GLT1D1: variants seen among roughly 807,000 people sequenced by gnomAD.
GLT1D1 encodes the protein glycosyltransferase 1 domain containing 1, also known as glycosyltransferase 1 domain-containing protein 1.
GLT1D1 carries 21 observed loss-of-function variants against 28.7 expected under a neutral mutation model. The ratio of observed to expected loss-of-function variants is 0.73; its 90% CI spans 0.52 to 1.05. GLT1D1 has a LOEUF of 1.05. Ranked by LOEUF, GLT1D1 falls within the 50% of genes least tolerant of loss-of-function variation. GLT1D1 has a pLI of 0.00. For synonymous variants in GLT1D1, 147 were observed against 124.8 expected (o/e 1.18, Z -1.19); for missense variants, 343 against 330.6 (o/e 1.04, Z -0.29).
At chr12:128,857,715 A>G (rs1253098803) in intron 1 of GLT1D1, among the ~76,000 whole-genome samples, 1 of 152,152 alleles carries the variant, frequency 6.6e-6, no homozygotes. Flanking sequence ...TTCCCCAAAT[A>G]CGTAAATCTG....
intron 4 of GLT1D1, among the ~76,000 whole-genome samples, chr12:128,905,877 G>A (rs563049681): frequency 6.6e-6 from 1 of 151,614 alleles, no homozygotes; most frequent in South Asian, 2.1e-4. Context: ...GCCCAGGCTG[G>A]ATGGAGTGCA....
chr12:128,982,150 G>A (rs1434053142), intron 7 of GLT1D1, among the ~76,000 whole-genome samples: 3 of 152,138 alleles, frequency 2.0e-5, no homozygotes, highest in Non-Finnish European at 2.9e-5. Flanking sequence ...AACACAGCCC[G>A]AAGCTGAGCC....
At position 128,945,335 on chromosome 12, in the gene GLT1D1, G is replaced by GCTGACATTTATCTT; in HGVS notation, c.385_386insCTGACATTTATCTT (p.Val129AlafsTer11). The stretch of plus-strand genomic sequence containing the variant: ...CTTTGTCTCTTTTCAGGTCGATCCA[G>GCTGACATTTATCTT]TGTTTACAAGGGAAGTGAAAGCCAA... On this transcript the variant is annotated frameshift_variant, in exon 5 of 8. Transcript: ENST00000281703. LOFTEE classifies it high-confidence loss of function. 1 of 1,614,166 alleles carries GCTGACATTTATCTT rather than the reference G, an allele frequency of 6.2e-7. No individual in the cohort carries two copies. Among genetic ancestry groups the GCTGACATTTATCTT allele is most frequent in the Non-Finnish European group, 8.5e-7 (1 of 1,179,960 alleles).
chr12:128,916,636 G>A (rs564522481), intron 4 of GLT1D1, among the ~76,000 whole-genome samples: 13 of 152,192 alleles, frequency 8.5e-5, no homozygotes, highest in East Asian at 1.9e-4. Flanking sequence ...TTTTATGTGC[G>A]CGTTGGCCAT....
At chr12:128,883,533 T>G (rs1206277584) in intron 2 of GLT1D1, among the ~76,000 whole-genome samples, 1 of 144,058 alleles carries the variant, frequency 6.9e-6, no homozygotes, top group Non-Finnish European at 1.5e-5. Context: ...GAGCTTGCAG[T>G]GAGCTGAGAT....
intron 7 of GLT1D1, among the ~76,000 whole-genome samples, chr12:128,962,930 G>A (rs1344460978): frequency 6.6e-6 from 1 of 152,104 alleles, no homozygotes; most frequent in South Asian, 2.1e-4. Context: ...TGGAACTCCT[G>A]ATCTTGTGAT....
intron 4 of GLT1D1, among the ~76,000 whole-genome samples, chr12:128,936,513 T>G (rs1874580007): frequency 6.6e-6 from 1 of 152,256 alleles, no homozygotes; most frequent in Non-Finnish European, 1.5e-5. Context: ...GATTCTGTTT[T>G]AGCTGCAGGA....
chr12:128,982,004 C>T (rs1285181995), intron 7 of GLT1D1, among the ~76,000 whole-genome samples: 1 of 152,128 alleles, frequency 6.6e-6, no homozygotes, highest in African/African-American at 2.4e-5. Context: ...CCCTGAATAC[C>T]CTTTAACAGT....
At position 128,901,465 on chromosome 12, in the gene GLT1D1, C is replaced by T. The variant is rs367863324; in HGVS notation, c.375+2178C>T. On this transcript the variant is annotated intron_variant, in intron 4 of 7. Coordinates refer to ENST00000281703, the MANE Select transcript of GLT1D1 (RefSeq NM_144669.3). The stretch of plus-strand genomic sequence containing the variant: ...TTTTTTTTTTTTTCTGAGATGGAGT[C>T]TCGCTCTGTCGCCCAGGCTGGAGTG... Among the ~76,000 whole-genome samples, 112 of 143,922 alleles carry T rather than the reference C, an allele frequency of 7.8e-4. 1 individual carries two copies. Among genetic ancestry groups the T allele is most frequent in the South Asian group, 5.3e-3 (24 of 4,556 alleles). 94.4% of individuals were successfully genotyped at this position (143,922 alleles called of 152,430 possible). A position where few individuals can be genotyped will look rare whatever the true frequency, so the allele number is the denominator to read the frequency against.
rs140760438 is a variant in GLT1D1, at chr12:128,912,435, G to A, written c.375+13148G>A. ...CCTCCTTTCAAAAGCCGCATGCTAA[G>A]GGTAAGGTCTATGTCCAGAGTCAAG... is the stretch of plus-strand genomic sequence containing the variant. On this transcript the variant is annotated intron_variant, in intron 4 of 7. Coordinates refer to ENST00000281703, the MANE Select transcript of GLT1D1 (RefSeq NM_144669.3). 8 of 1,526,918 alleles carry A rather than the reference G, an allele frequency of 5.2e-6. No individual in the cohort carries two copies. The African/African-American group carries it at 1.1e-4, about 21-fold the overall frequency. The allele number at this position is 1,526,918 out of a possible 1,614,324, so 94.6% of individuals were successfully genotyped here.
Position 128,872,054 on chromosome 12 carries a change from C to A in GLT1D1, c.69-3860C>A, listed in dbSNP as rs188966333. ...GCAGTCTCCGCCTCCCGGGTTCAAG[C>A]GATTCTCCTGCCTCAGCCTCCCAAG... On this transcript the variant is annotated intron_variant, in intron 1 of 7. Coordinates refer to ENST00000281703, the MANE Select transcript of GLT1D1 (RefSeq NM_144669.3). 7.2e-3 allele frequency among the ~76,000 whole-genome samples: 1,081 copies of A among 151,028 alleles called. 19 individuals are homozygous for A. The highest frequency in any genetic ancestry group is 0.024 in the African/African-American group (1,005 of 41,200).
chr12:128,895,815 A>C (rs1232441905), intron 3 of GLT1D1, among the ~76,000 whole-genome samples: 2 of 152,188 alleles, frequency 1.3e-5, no homozygotes, highest in African/African-American at 4.8e-5. Context: ...GTAAGTGCAG[A>C]TAGAGAAGAG....
At chr12:128,973,194 T>G (rs908877419) in intron 7 of GLT1D1, among the ~76,000 whole-genome samples, 34 of 130,110 alleles carry the variant, frequency 2.6e-4, no homozygotes, top group African/African-American at 9.4e-4. Flanking sequence ...TTTTTTTTTT[T>G]TTTTTTTTTT....
chr12:128,928,814 G>T (rs538335222), intron 4 of GLT1D1, among the ~76,000 whole-genome samples: 1 of 152,040 alleles, frequency 6.6e-6, no homozygotes, highest in Admixed American at 6.6e-5. Flanking sequence ...AGGGACGGGG[G>T]TTTTACCACG....
chr12:128,869,189 C>T (rs1413803673), intron 1 of GLT1D1, among the ~76,000 whole-genome samples: 2 of 151,844 alleles, frequency 1.3e-5, no homozygotes, highest in African/African-American at 4.8e-5. Context: ...TTTTCTTTGA[C>T]AGGGTCTCAC....
intron 4 of GLT1D1, among the ~76,000 whole-genome samples, chr12:128,910,577 C>T (rs1038652644): frequency 6.6e-6 from 1 of 152,068 alleles, no homozygotes; most frequent in Non-Finnish European, 1.5e-5. Context: ...GCCTCCACTA[C>T]ACTCCAGTAA....
chr12:128,966,133 A>C (rs1878433718), intron 7 of GLT1D1, among the ~76,000 whole-genome samples: 1 of 152,214 alleles, frequency 6.6e-6, no homozygotes, highest in South Asian at 2.1e-4. Context: ...CCCTGCAACC[A>C]CTGCATCTTT....
chr12:128,900,085 A>G (rs531983788), intron 4 of GLT1D1, among the ~76,000 whole-genome samples: 72 of 152,288 alleles, frequency 4.7e-4, no homozygotes, highest in Admixed American at 7.8e-4. Flanking sequence ...GCTGGTGGGA[A>G]CTTAACTGAA....
At chr12:128,869,058 G>A (rs905033542) in intron 1 of GLT1D1, among the ~76,000 whole-genome samples, 1 of 152,120 alleles carries the variant, frequency 6.6e-6, no homozygotes, top group Non-Finnish European at 1.5e-5. Flanking sequence ...TAGTAGAGAC[G>A]GGGTTTCTCC....
Sources: allele counts gnomAD v4.1 joint callset (sites outside exome capture counted in the v4.1 genomes callset), GRCh38; gene constraint gnomAD v4.1.1; transcripts MANE v1.5; gene names NCBI Gene and HGNC (gene_info 2026-07-23, HGNC 2026-07-21).